Variants in CPA6 observed in about 807,000 individuals in gnomAD.
The protein encoded by CPA6 is carboxypeptidase B.
In CPA6, 58 loss-of-function variants were observed where a neutral mutation model predicts 63.3. The observed-to-expected ratio is 0.92, with a 90% CI of 0.74 to 1.14. The LOEUF (loss-of-function observed/expected upper bound fraction) is 1.14. CPA6 is among the 50% of genes most tolerant of loss of function. The probability of loss-of-function intolerance (pLI) is 0.00; values close to 1 mark genes in which losing one functional copy is unlikely to be tolerated. For synonymous variants in CPA6, 185 were observed against 179.0 expected (o/e 1.03, Z -0.27); for missense variants, 565 against 526.6 (o/e 1.07, Z -0.71).
chr8:67,529,003 C>T (rs1812422885), intron 2 of CPA6, among the ~76,000 whole-genome samples: 1 of 150,826 alleles, frequency 6.6e-6, no homozygotes, highest in South Asian at 2.1e-4. Context: ...TAATCCTTTT[C>T]AATAGTCTCA....
At chr8:67,469,431 C>T (rs887128358) in intron 8 of CPA6, among the ~76,000 whole-genome samples, 1 of 152,102 alleles carries the variant, frequency 6.6e-6, no homozygotes, top group Non-Finnish European at 1.5e-5. Context: ...CATGGTGAAA[C>T]CCTGTCTCTA....
chr8:67,583,346 G>A (rs1345391967), intron 2 of CPA6, among the ~76,000 whole-genome samples: 1 of 152,146 alleles, frequency 6.6e-6, no homozygotes, highest in African/African-American at 2.4e-5. Flanking sequence ...ACAAAGTAGA[G>A]TTTAATTAGG....
At chr8:67,607,169 CTCTTCTTCTTCTTCTTCTTCT>C (rs1211819002) in intron 2 of CPA6, among the ~76,000 whole-genome samples, 1,159 of 28,328 alleles carry the variant, frequency 0.041, 50 homozygotes, top group East Asian at 0.047. Context: ...CTTCTTCTTC[CTCTTCTTCTTCTTCTTCTTCT>C]TCTTCTTCTT....
chr8:67,541,862 G>A (rs999838858), intron 2 of CPA6, among the ~76,000 whole-genome samples: 15 of 152,216 alleles, frequency 9.9e-5, no homozygotes, highest in Non-Finnish European at 1.8e-4. Context: ...GAGGAACCAG[G>A]TACCTCAGTT....
chr8:67,690,126 GT>G (rs928803739), intron 1 of CPA6, among the ~76,000 whole-genome samples: 3 of 152,012 alleles, frequency 2.0e-5, no homozygotes, highest in African/African-American at 7.2e-5. Flanking sequence ...AGGGTTATTT[GT>G]TTTTCTGAAG....
rs141926699 is a variant in CPA6 at position 67,457,341 on chromosome 8, T to A, written c.839-23101A>T. Among the ~76,000 whole-genome samples, 58 of 152,356 alleles carry A rather than the reference T, an allele frequency of 3.8e-4. No homozygotes were observed. The East Asian group carries it at 0.011, about 28-fold the overall frequency. On this transcript the variant is annotated intron_variant, in intron 8 of 10. Coordinates refer to ENST00000297770, the MANE Select transcript of CPA6 (RefSeq NM_020361.5). ...TATTAATGTGATTCAGACTAGAGGA[T>A]GCCCTCCAAAATTCTCATTTTTTTC...
chr8:67,576,827 T>C (rs1488592175), intron 2 of CPA6, among the ~76,000 whole-genome samples: 1 of 151,712 alleles, frequency 6.6e-6, no homozygotes, highest in Non-Finnish European at 1.5e-5. Context: ...AAGGAACAGG[T>C]AGTATGACTA....
At chr8:67,621,676 G>A (rs1340275911) in intron 2 of CPA6, among the ~76,000 whole-genome samples, 3 of 152,174 alleles carry the variant, frequency 2.0e-5, no homozygotes, top group Non-Finnish European at 4.4e-5. Flanking sequence ...TGGCTGAGAG[G>A]AGCTGGATGT....
intron 8 of CPA6, among the ~76,000 whole-genome samples, chr8:67,454,823 G>C (rs1471264534): frequency 2.6e-5 from 4 of 152,170 alleles, no homozygotes. Flanking sequence ...TAAGTATTGA[G>C]ATGTAAAACT....
At chr8:67,529,267 C>T (rs1812427283) in intron 2 of CPA6, among the ~76,000 whole-genome samples, 1 of 151,924 alleles carries the variant, frequency 6.6e-6, no homozygotes, top group Non-Finnish European at 1.5e-5. Flanking sequence ...AAGCTGTAGA[C>T]CTGAGCAATA....
intron 2 of CPA6, among the ~76,000 whole-genome samples, chr8:67,618,299 A>G (rs1248696093): frequency 6.6e-6 from 1 of 152,116 alleles, no homozygotes; most frequent in African/African-American, 2.4e-5. Flanking sequence ...AAGTTTTCCA[A>G]TTGATTAAAC....
intron 1 of CPA6, among the ~76,000 whole-genome samples, chr8:67,661,957 G>C (rs1408069404): frequency 1.3e-5 from 2 of 152,074 alleles, no homozygotes; most frequent in Admixed American, 1.3e-4. Flanking sequence ...CCTTTTTAAG[G>C]CTGAGTCATA....
chr8:67,426,160 G>T (rs1809878693), intron 10 of CPA6, among the ~76,000 whole-genome samples: 1 of 152,124 alleles, frequency 6.6e-6, no homozygotes, highest in African/African-American at 2.4e-5. Flanking sequence ...GTAGATAAGG[G>T]GTTTTGCCAT....
chr8:67,484,512 T>C (rs1472557814), intron 7 of CPA6, among the ~76,000 whole-genome samples, 167 bp downstream of exon 7: 2 of 152,174 alleles, frequency 1.3e-5, no homozygotes, highest in Non-Finnish European at 2.9e-5. Flanking sequence ...GAAAATGAAA[T>C]CTAATTGTTG....
chr8:67,584,448 G>A (rs1369078055), intron 2 of CPA6, among the ~76,000 whole-genome samples: 1 of 151,792 alleles, frequency 6.6e-6, no homozygotes, highest in Admixed American at 6.5e-5. Flanking sequence ...TGCTAGGAGT[G>A]GCTGATTAAT....
intron 1 of CPA6, among the ~76,000 whole-genome samples, chr8:67,686,513 G>A (rs1472836032): frequency 6.6e-6 from 1 of 152,210 alleles, no homozygotes; most frequent in East Asian, 1.9e-4. Flanking sequence ...GGCCAGTGGT[G>A]ATAGCAGAAA....
intron 1 of CPA6, among the ~76,000 whole-genome samples, chr8:67,707,853 G>A (rs1817169657): frequency 6.6e-6 from 1 of 151,298 alleles, no homozygotes; most frequent in African/African-American, 2.4e-5. Flanking sequence ...GGAAGCAGTG[G>A]CAGTGAGCTG....
chr8:67,485,813 G>A (rs542785243), intron 6 of CPA6, among the ~76,000 whole-genome samples: 1 of 152,294 alleles, frequency 6.6e-6, no homozygotes, highest in East Asian at 1.9e-4. Context: ...TCTGCAGTGA[G>A]TGCACAGGTT....
At chr8:67,735,662 C>T (rs1817797338) in intron 1 of CPA6, 1 of 142,524 alleles carries the variant, frequency 7.0e-6, no homozygotes, top group African/African-American at 2.5e-5. Flanking sequence ...TAGAGAAATA[C>T]AAATTAGTGG....
Sources: gnomAD v4.1 joint callset for allele counts (sites outside exome capture counted in the v4.1 genomes callset) on GRCh38, gnomAD v4.1.1 for gene constraint, MANE v1.5 for transcripts, NCBI Gene and HGNC (gene_info 2026-07-23, HGNC 2026-07-21) for gene names.